The following EP400 variants were observed in gnomAD, a reference collection of about 807,000 sequenced individuals.
EP400 encodes the protein E1A binding protein p400.
EP400 carries 105 observed loss-of-function variants against 354.1 expected under a neutral mutation model. That is an observed-to-expected ratio of 0.30 (90% CI 0.25 to 0.35). The LOEUF is 0.35. Among genes scored for constraint, EP400 ranks in the 10% least tolerant of loss-of-function variants. The pLI is 1.00. For missense variants in EP400, 3,280 were observed against 4,121.0 expected (o/e 0.80, Z 5.59); for synonymous variants, 1,646 against 1,716.9 (o/e 0.96, Z 1.02).
At chr12:131,978,925 G>A (rs1373646353) in intron 2 of EP400, among the ~76,000 whole-genome samples, 1 of 151,936 alleles carries the variant, frequency 6.6e-6, no homozygotes, top group Non-Finnish European at 1.5e-5. Context: ...TCCTTTTAAA[G>A]CTCTAAGTTG....
rs1230465612 is a variant in EP400 at position 131,960,722 on chromosome 12, C to T, written c.103C>T (p.Pro35Ser). ...GGAGCAGCCGGCCCACCCCAACCCA[C>T]CCCCGTCCCCCGCAGCTCCCTTCGC... Reference protein sequence around the residue: ...GEEQPAHPNPPPSPAAPFAPS... With the variant: ...GEEQPAHPNPSPSPAAPFAPS... The change falls in exon 2 of 53, where the codon CCC (proline) becomes TCC (serine). Residue 35 changes from proline to serine, a missense_variant. This residue lies in a region of EP400 where 172 missense variants were observed against 242.9 expected (regional missense o/e 0.71). Transcript: ENST00000389561. 1 of 1,589,836 alleles carries T rather than the reference C, an allele frequency of 6.3e-7. No individual in the cohort carries two copies.
rs776880965 is a variant in EP400, at chr12:132,018,419, G to C, written c.4277+43G>C. The C allele has an allele frequency of 6.4e-7, 1 of 1,561,312 alleles. No individual in the cohort carries two copies. The highest frequency in any genetic ancestry group is 8.6e-7 in the Non-Finnish European group (1 of 1,159,964). On this transcript the variant is annotated intron_variant, in intron 21 of 52. Coordinates refer to ENST00000389561, the MANE Select transcript of EP400 (RefSeq NM_015409.5). The surrounding 1 kb of genome is among the most constrained non-coding windows in gnomAD (Gnocchi z 4.0). ...GCAGCGGGGAGGGTTGGCTCCCAGG[G>C]CCCCCACAGCTGACCCAGGTCTATG...
At chr12:131,970,937 C>G (rs1892268475) in intron 2 of EP400, among the ~76,000 whole-genome samples, 1 of 152,190 alleles carries the variant, frequency 6.6e-6, no homozygotes, top group African/African-American at 2.4e-5. Flanking sequence ...GGCGCTTTGG[C>G]TCACACCTGC....
chr12:132,022,295 C>G (rs1199056292), intron 23 of EP400, among the ~76,000 whole-genome samples: 2 of 152,176 alleles, frequency 1.3e-5, no homozygotes, highest in African/African-American at 4.8e-5. Flanking sequence ...ACTGCTTTTC[C>G]TGTGGGTCGG....
chr12:132,004,712 G>A (rs147163278), intron 12 of EP400, among the ~76,000 whole-genome samples: 1 of 152,288 alleles, frequency 6.6e-6, no homozygotes, highest in African/African-American at 2.4e-5. Flanking sequence ...TTTCAGGGGT[G>A]CAAGTACAGT....
At position 132,050,563 on chromosome 12, in the gene EP400, T is replaced by TA; in HGVS notation, c.7338-35dup. On this transcript the variant is annotated intron_variant, in intron 40 of 52. Transcript: ENST00000389561. This position sits in a 1 kb window ranked among gnomAD's most constrained non-coding sequence, Gnocchi z 4.8. The stretch of plus-strand genomic sequence containing the variant: ...CATACCCTTCTTCAGATATTTCCTT[T>TA]ATTTAATAATTGCTGTCTCACTGTC... The TA allele has an allele frequency of 6.2e-7, 1 of 1,613,846 alleles. No homozygotes were observed. The highest frequency in any genetic ancestry group is 1.1e-5 in the South Asian group (1 of 91,066).
rs1351277931 is a variant in EP400 at position 132,013,211 on chromosome 12, C to A, written c.3611+33C>A. 1 of 1,578,864 alleles carries A rather than the reference C, an allele frequency of 6.3e-7. No individual in the cohort carries two copies. The highest frequency in any genetic ancestry group is 1.8e-5 in the Admixed American group (1 of 56,496). On this transcript the variant is annotated intron_variant, in intron 17 of 52. Transcript: ENST00000389561. The surrounding 1 kb of genome is among the most constrained non-coding windows in gnomAD (Gnocchi z 4.5). ...TGTTACGCGCTTGTCATTGAGTGTTCTTTGCTGTTGATGTAGAAGATTCTC... is the reference window on the plus strand; with the variant it reads ...TGTTACGCGCTTGTCATTGAGTGTTATTTGCTGTTGATGTAGAAGATTCTC...
chr12:131,963,714 T>C (rs1350994373), intron 2 of EP400: 13 of 1,210,816 alleles, frequency 1.1e-5, no homozygotes, highest in Admixed American at 2.3e-5. Flanking sequence ...TAACCTTCGA[T>C]ATACTACTTG....
At chr12:132,073,354 C>T (rs979089795) in intron 51 of EP400, among the ~76,000 whole-genome samples, 2 of 151,690 alleles carry the variant, frequency 1.3e-5, no homozygotes, top group African/African-American at 2.4e-5. Flanking sequence ...ATGAAGTTAA[C>T]GATGGCCTCC....
At chr12:131,973,887 T>G (rs780123895) in intron 2 of EP400, among the ~76,000 whole-genome samples, 34 of 152,206 alleles carry the variant, frequency 2.2e-4, no homozygotes, top group South Asian at 8.3e-4. Context: ...TTGGAGCATT[T>G]TTTTCAGTGA....
rs1895009931 is a variant in EP400 at position 132,044,256 on chromosome 12, TGGAGCA to T, written c.6535_6540del (p.Gln2179_Glu2180del). ...CAGGAGAGGGAGGCCCGGCTGCGGC[TGGAGCA>T]GGAGGAGGCGGAGCTCCTGACCTAC... On this transcript the variant is annotated inframe_deletion, in exon 35 of 53. Coordinates refer to ENST00000389561, the MANE Select transcript of EP400 (RefSeq NM_015409.5). 2 of 1,614,040 alleles carry T rather than the reference TGGAGCA, an allele frequency of 1.2e-6. No individual in the cohort carries two copies. Among genetic ancestry groups the T allele is most frequent in the Admixed American group, 3.3e-5 (2 of 60,014 alleles).
chr12:131,986,412 G>T, intron 5 of EP400, 102 bp from the exon 6 acceptor site: 1 of 1,148,860 alleles, frequency 8.7e-7, no homozygotes, highest in Non-Finnish European at 1.2e-6. Context: ...GAAGGTGCTG[G>T]CAGTGCGCGT....
intron 43 of EP400, 39 bp downstream of exon 43, chr12:132,053,636 A>C: frequency 6.8e-7 from 1 of 1,475,956 alleles, no homozygotes; most frequent in Non-Finnish European, 8.9e-7. Context: ...CCTCTACGGG[A>C]AGTCACCCAC....
chr12:131,953,586 A>G (rs1183257472), intron 1 of EP400, among the ~76,000 whole-genome samples: 1 of 152,222 alleles, frequency 6.6e-6, no homozygotes, highest in Non-Finnish European at 1.5e-5. Context: ...GACAATTTTC[A>G]AATTCAGTTT....
In EP400 at chr12:132,005,017, C is replaced by T. The variant is rs1278494741; in HGVS notation, c.2828-60C>T. The T allele has an allele frequency of 3.0e-6, 4 of 1,350,840 alleles. No homozygotes were observed. In the African/African-American group the frequency reaches 4.3e-5, roughly 15 times the overall value. 83.7% of individuals were successfully genotyped at this position (1,350,840 alleles called of 1,614,324 possible). ...GGTTCTCCTGGCTGCTGCTCCTTCC[C>T]AATTTAAATTACAGTTGTTGTTATA... On this transcript the variant is annotated intron_variant, in intron 12 of 52. Coordinates refer to ENST00000389561, the MANE Select transcript of EP400 (RefSeq NM_015409.5).
chr12:132,033,768 ACAGT>A (rs1444683952), intron 30 of EP400, among the ~76,000 whole-genome samples: 2 of 151,856 alleles, frequency 1.3e-5, no homozygotes, highest in African/African-American at 4.8e-5. Flanking sequence ...CTGGGCTCAA[ACAGT>A]CAGCCCGCCT....
At chr12:132,020,484 T>C (rs1366907705) in intron 22 of EP400, among the ~76,000 whole-genome samples, 1 of 152,246 alleles carries the variant, frequency 6.6e-6, no homozygotes, top group Non-Finnish European at 1.5e-5. Flanking sequence ...GGGCAGGCTG[T>C]TTCTGTTGAC....
At chr12:131,952,696 C>T (rs1345013111) in intron 1 of EP400, among the ~76,000 whole-genome samples, 1 of 152,144 alleles carries the variant, frequency 6.6e-6, no homozygotes, top group Non-Finnish European at 1.5e-5. Flanking sequence ...AAGACATCCT[C>T]TGGTCTCAGT....
chr12:132,011,431 A>AC, intron 15 of EP400, 67 bp from the exon 16 acceptor site: 1 of 1,579,956 alleles, frequency 6.3e-7, no homozygotes, highest in Non-Finnish European at 8.6e-7. Context: ...CTCTGGTCAG[A>AC]CACAGTGCTA....
Sources: gnomAD v4.1 joint callset for allele counts (sites outside exome capture counted in the v4.1 genomes callset) on GRCh38, gnomAD v4.1.1 for gene constraint, gnomAD v4.1.1 regional missense constraint, Gnocchi (gnomAD v3.1) non-coding constraint, MANE v1.5 for transcripts, NCBI Gene and HGNC (gene_info 2026-07-23, HGNC 2026-07-21) for gene names.